The following CSTF3 variants were observed in gnomAD, a reference collection of about 807,000 sequenced individuals.
The protein encoded by CSTF3 is CF-1 77 kDa subunit.
A neutral mutation model predicts 105.8 loss-of-function variants in CSTF3; 29 were observed. The observed-to-expected ratio is 0.27, with a 90% confidence interval of 0.20 to 0.37. The LOEUF (loss-of-function observed/expected upper bound fraction) is 0.37. Among genes scored for constraint, CSTF3 ranks in the 10% least tolerant of loss-of-function variants. The pLI is 1.00. For synonymous variants in CSTF3, 252 were observed against 281.9 expected (o/e 0.89, Z 1.06); for missense variants, 357 against 879.3 (o/e 0.41, Z 7.51).
At chr11:33,154,944 C>T (rs1849840848) in intron 1 of CSTF3, among the ~76,000 whole-genome samples, 1 of 152,056 alleles carries the variant, frequency 6.6e-6, no homozygotes, top group East Asian at 1.9e-4. Context: ...GCAACCAAAC[C>T]CTACTTCATG....
At chr11:33,154,855 G>C (rs1849839602) in intron 1 of CSTF3, among the ~76,000 whole-genome samples, 1 of 151,980 alleles carries the variant, frequency 6.6e-6, no homozygotes, top group African/African-American at 2.4e-5. Context: ...AGATAATAAA[G>C]AACTATATGT....
At chr11:33,140,655 A>C (rs1855701061) in intron 3 of CSTF3, among the ~76,000 whole-genome samples, 1 of 152,098 alleles carries the variant, frequency 6.6e-6, no homozygotes, top group Non-Finnish European at 1.5e-5. Context: ...AAGCCCTTTG[A>C]ATAGGTCCAA....
intron 1 of CSTF3, among the ~76,000 whole-genome samples, chr11:33,156,230 G>A (rs1450526631): frequency 6.6e-6 from 1 of 152,130 alleles, no homozygotes; most frequent in Non-Finnish European, 1.5e-5. Flanking sequence ...AAACTAGGAA[G>A]GGCTGTTACA....
At chr11:33,108,796 CAA>C (rs1855351550) in intron 3 of CSTF3, among the ~76,000 whole-genome samples, 2 of 152,152 alleles carry the variant, frequency 1.3e-5, no homozygotes, top group East Asian at 3.9e-4. Flanking sequence ...ATCTGAGCGG[CAA>C]AAAAGATATG....
intron 10 of CSTF3, among the ~76,000 whole-genome samples, chr11:33,100,625 G>T (rs1171565350): frequency 6.6e-6 from 1 of 152,156 alleles, no homozygotes; most frequent in Non-Finnish European, 1.5e-5. Flanking sequence ...AGAAAGCAAA[G>T]ATCAAAAGGA....
chr11:33,156,491 CATT>C lies in CSTF3; in HGVS notation c.27+4805_27+4807del, dbSNP rs149529752. 1.9e-3 allele frequency among the ~76,000 whole-genome samples: 295 copies of C among 152,252 alleles called. 6 individuals are homozygous for C. In the East Asian group the frequency reaches 0.051, roughly 26 times the overall value. On this transcript the variant is annotated intron_variant, in intron 1 of 20. Coordinates refer to ENST00000323959, the MANE Select transcript of CSTF3 (RefSeq NM_001326.3). The stretch of plus-strand genomic sequence containing the variant: ...AGTATATAATAGGACACATACTCTT[CATT>C]ATTTTCTAAATCTTCCCAAAATTAT...
chr11:33,088,144 C>A (rs1352291223), intron 17 of CSTF3, among the ~76,000 whole-genome samples: 1 of 152,150 alleles, frequency 6.6e-6, no homozygotes, highest in Non-Finnish European at 1.5e-5. Flanking sequence ...AAAAATCTTT[C>A]TCACAGATAC....
chr11:33,155,517 C>T (rs552353094), intron 1 of CSTF3, among the ~76,000 whole-genome samples: 23 of 152,094 alleles, frequency 1.5e-4, no homozygotes, highest in Non-Finnish European at 2.9e-4. Flanking sequence ...AAATCTTAAC[C>T]GTTTGGAACT....
intron 18 of CSTF3, 24 bp from the exon 19 acceptor site, chr11:33,086,013 A>G (rs767853941): frequency 1.4e-6 from 2 of 1,391,950 alleles, no homozygotes; most frequent in East Asian, 4.9e-5. Flanking sequence ...AAAAGTATGA[A>G]TCAAGTGGAA....
chr11:33,124,625 T>A (rs1341322510), intron 3 of CSTF3, among the ~76,000 whole-genome samples: 2 of 152,200 alleles, frequency 1.3e-5, no homozygotes, highest in Non-Finnish European at 2.9e-5. Context: ...AAACTTTCAT[T>A]GGAACAGAGT....
chr11:33,127,936 A>G (rs1855560023), intron 3 of CSTF3, among the ~76,000 whole-genome samples: 1 of 152,208 alleles, frequency 6.6e-6, no homozygotes, highest in African/African-American at 2.4e-5. Context: ...AACACATGCA[A>G]ATTAACTTAA....
At chr11:33,115,777 T>C (rs1855425059) in intron 3 of CSTF3, among the ~76,000 whole-genome samples, 1 of 152,212 alleles carries the variant, frequency 6.6e-6, no homozygotes, top group East Asian at 1.9e-4. Context: ...TATTTTCATA[T>C]TAAATATAGA....
intron 8 of CSTF3, among the ~76,000 whole-genome samples, chr11:33,104,311 AT>A (rs1855307677): frequency 6.6e-6 from 1 of 152,208 alleles, no homozygotes; most frequent in South Asian, 2.1e-4. Flanking sequence ...CTCTCATAAA[AT>A]ACAGGAGTTT....
At chr11:33,144,549 C>G (rs1855755876) in intron 1 of CSTF3, among the ~76,000 whole-genome samples, 1 of 152,178 alleles carries the variant, frequency 6.6e-6, no homozygotes. Flanking sequence ...ACTATATAAT[C>G]ATCTGTTAGA....
chr11:33,106,693 G>T (rs573131123), intron 5 of CSTF3, among the ~76,000 whole-genome samples: 1 of 152,246 alleles, frequency 6.6e-6, no homozygotes, highest in South Asian at 2.1e-4. Context: ...GTCGTTCTTT[G>T]ATGTTAAGCT....
rs139678138 is a variant in CSTF3 at position 33,084,997 on chromosome 11, A to T, written c.*90T>A. 2.5e-5 allele frequency: 35 copies of T among 1,394,204 alleles called. No homozygotes were observed. In the African/African-American group the frequency reaches 3.1e-4, roughly 12 times the overall value. The allele number at this position is 1,394,204 out of a possible 1,614,324, so 86.4% of individuals were successfully genotyped here. A position where few individuals can be genotyped will look rare whatever the true frequency, so the allele number is the denominator to read the frequency against. ...TGACAATACAACTTTGTTTCCAAGA[A>T]CCTTGTAACAAAGCGTTGTCTCTTT... On this transcript the variant is annotated 3_prime_UTR_variant, in exon 21 of 21. Transcript: ENST00000323959.
intron 1 of CSTF3, among the ~76,000 whole-genome samples, chr11:33,158,999 C>G (rs181388900): frequency 4.0e-5 from 6 of 151,832 alleles, no homozygotes; most frequent in Admixed American, 3.9e-4. Context: ...AAAAAAAAAT[C>G]ACATTCTTGG....
intron 3 of CSTF3, among the ~76,000 whole-genome samples, chr11:33,133,392 A>AGCT (rs1290049061): frequency 6.6e-6 from 1 of 152,234 alleles, no homozygotes; most frequent in East Asian, 1.9e-4. Flanking sequence ...TTAACTACAC[A>AGCT]GTGGACAAGC....
intron 10 of CSTF3, among the ~76,000 whole-genome samples, chr11:33,100,382 A>G (rs1208697172): frequency 1.3e-5 from 2 of 150,586 alleles, no homozygotes; most frequent in African/African-American, 4.9e-5. Context: ...TCTTGTTTAG[A>G]GACGGGGTTT....
Sources: allele counts gnomAD v4.1 joint callset (sites outside exome capture counted in the v4.1 genomes callset), GRCh38; gene constraint gnomAD v4.1.1; transcripts MANE v1.5; gene names NCBI Gene and HGNC (gene_info 2026-07-23, HGNC 2026-07-21).